The following WDR4 variants were observed in gnomAD, a reference collection of about 807,000 sequenced individuals.
WDR4 encodes WDR4 tRNA N7-guanosine methyltransferase non-catalytic subunit.
In WDR4, 47 loss-of-function variants were observed where a neutral mutation model predicts 48.6. That is an observed-to-expected ratio of 0.97 (90% CI 0.77 to 1.23). The LOEUF is 1.23. Ranked by LOEUF, WDR4 falls within the 50% of genes most tolerant of loss-of-function variation. The probability of loss-of-function intolerance (pLI) is 0.00; values close to 1 mark genes in which losing one functional copy is unlikely to be tolerated. For synonymous variants in WDR4, 268 were observed against 230.0 expected (o/e 1.17, Z -1.49); for missense variants, 606 against 551.6 (o/e 1.10, Z -0.99).
intron 3 of WDR4, among the ~76,000 whole-genome samples, chr21:42,865,491 G>A (rs989294304): frequency 1.3e-5 from 2 of 152,076 alleles, no homozygotes; most frequent in South Asian, 2.1e-4. Flanking sequence ...CCCCGACACC[G>A]TGCCTCCTGC....
intron 5 of WDR4, among the ~76,000 whole-genome samples, chr21:42,860,581 C>T (rs1047454926): frequency 2.0e-5 from 3 of 152,248 alleles, no homozygotes; most frequent in Non-Finnish European, 4.4e-5. Flanking sequence ...CTAGCCATCG[C>T]GTGAGCCGGG....
chr21:42,852,570 G>A (rs1223082369), intron 9 of WDR4, among the ~76,000 whole-genome samples: 1 of 152,202 alleles, frequency 6.6e-6, no homozygotes, highest in Non-Finnish European at 1.5e-5. Context: ...GGCACCCACT[G>A]GGGACATCAT....
chr21:42,879,832 G>C (rs1292114050), upstream of WDR4: 1 of 411,132 alleles, frequency 2.4e-6, no homozygotes, highest in African/African-American at 2.1e-5. Flanking sequence ...TAGCTGGAGA[G>C]ACGTAGGACC....
At chr21:42,880,820 C>T (rs1404792566), upstream of WDR4, among the ~76,000 whole-genome samples, 2 of 152,128 alleles carry the variant, frequency 1.3e-5, no homozygotes, top group African/African-American at 2.4e-5. Flanking sequence ...CTGTTCTGTC[C>T]ACATTTTGGC....
chr21:42,868,553 G>C (rs1569330745), intron 3 of WDR4, among the ~76,000 whole-genome samples: 1 of 152,204 alleles, frequency 6.6e-6, no homozygotes, highest in Non-Finnish European at 1.5e-5. Context: ...ATGGTGTCTG[G>C]TACCAGACAT....
chr21:42,861,454 C>T (rs368483736), intron 5 of WDR4, among the ~76,000 whole-genome samples: 2 of 152,088 alleles, frequency 1.3e-5, no homozygotes, highest in African/African-American at 4.8e-5. Flanking sequence ...GGGTGAGAAG[C>T]GTGTTCCCGT....
At chr21:42,854,453 C>T (rs1402272252) in intron 8 of WDR4, 109 bp downstream of exon 8, 5 of 1,114,082 alleles carry the variant, frequency 4.5e-6, no homozygotes, top group Non-Finnish European at 6.3e-6. Flanking sequence ...CCAATACCAC[C>T]ACCGTTCAGG....
chr21:42,869,776 G>A (rs1176709658), intron 3 of WDR4, among the ~76,000 whole-genome samples: 1 of 152,122 alleles, frequency 6.6e-6, no homozygotes, highest in East Asian at 1.9e-4. Context: ...CTGGGAAGCC[G>A]ATGTGGGTGG....
chr21:42,857,716 G>A (rs904558101), intron 6 of WDR4, among the ~76,000 whole-genome samples: 4 of 152,146 alleles, frequency 2.6e-5, no homozygotes, highest in African/African-American at 9.7e-5. Context: ...TCCACAGAAG[G>A]CTGGAAAGTA....
chr21:42,879,084 T>C, intron 1 of WDR4: 2 of 1,161,200 alleles, frequency 1.7e-6, no homozygotes, highest in Non-Finnish European at 2.1e-6. Flanking sequence ...GTGCTCTACC[T>C]ACCCGGTCCC....
the WDR4 span, among the ~76,000 whole-genome samples, chr21:42,891,679 C>T: frequency 6.6e-6 from 1 of 151,958 alleles, no homozygotes. Context: ...AAAATCTGGC[C>T]GGGTGTAGTG....
At chr21:42,846,882 C>T (rs1254981569), downstream of WDR4, among the ~76,000 whole-genome samples, 5 of 151,986 alleles carry the variant, frequency 3.3e-5, no homozygotes, top group East Asian at 1.9e-4. Flanking sequence ...ATTAGCCAGG[C>T]GTGGTGGCAG....
At chr21:42,854,518 A>G (rs2146010682) in intron 8 of WDR4, 44 bp downstream of exon 8, 2 of 1,592,076 alleles carry the variant, frequency 1.3e-6, no homozygotes, top group East Asian at 4.5e-5. Flanking sequence ...TTCCCCCTGC[A>G]GGTCTGCAGA....
upstream of WDR4, chr21:42,879,845 A>C (rs1172640515): frequency 9.9e-6 from 4 of 405,714 alleles, no homozygotes; most frequent in Non-Finnish European, 1.7e-5. Context: ...GTAGGACCTG[A>C]TGATGGCTAC....
intron 3 of WDR4, among the ~76,000 whole-genome samples, chr21:42,863,926 GA>G (rs67738836): frequency 0.3 from 25,211 of 85,120 alleles, 5,222 homozygotes; most frequent in African/African-American, 0.57. Context: ...CTAACACGGT[GA>G]AAACCCCGTC....
At chr21:42,845,931 G>A (rs1032420606), downstream of WDR4, among the ~76,000 whole-genome samples, 4 of 152,048 alleles carry the variant, frequency 2.6e-5, no homozygotes, top group East Asian at 1.9e-4. Context: ...CCAGAAGTTC[G>A]AGACCAGCCT....
At chr21:42,872,042 C>T (rs924969931) in intron 3 of WDR4, among the ~76,000 whole-genome samples, 4 of 151,674 alleles carry the variant, frequency 2.6e-5, no homozygotes, top group Admixed American at 6.6e-5. Context: ...TGGAGTGCAA[C>T]GGCATGATCT....
At chr21:42,853,868 C>A (rs755209444) in intron 8 of WDR4, 116 bp from the exon 9 acceptor site, 2 of 1,150,754 alleles carry the variant, frequency 1.7e-6, no homozygotes, top group Admixed American at 2.6e-5. Flanking sequence ...AGAGCCTACG[C>A]TGAAAGCCCC....
At chr21:42,847,375 C>G (rs1375345701), downstream of WDR4, among the ~76,000 whole-genome samples, 1 of 152,216 alleles carries the variant, frequency 6.6e-6, no homozygotes, top group African/African-American at 2.4e-5. Context: ...GGCAGGTGAA[C>G]AGGAACCAGT....
Sources: allele counts gnomAD v4.1 joint callset (sites outside exome capture counted in the v4.1 genomes callset), GRCh38; gene constraint gnomAD v4.1.1; transcripts MANE v1.5; gene names NCBI Gene and HGNC (gene_info 2026-07-23, HGNC 2026-07-21).